Variants in ADGRL3 observed in about 807,000 individuals in gnomAD.
ADGRL3 encodes the protein adhesion G protein-coupled receptor L3.
A neutral mutation model predicts 153.5 loss-of-function variants in ADGRL3; 62 were observed. That is an observed-to-expected ratio of 0.40 (90% confidence interval 0.33 to 0.50). The LOEUF (loss-of-function observed/expected upper bound fraction) is 0.50. Among genes scored for constraint, ADGRL3 ranks in the 20% least tolerant of loss-of-function variants. ADGRL3 has a pLI of 0.47. For missense variants in ADGRL3, 1,641 were observed against 1,859.4 expected (o/e 0.88, Z 2.16); for synonymous variants, 710 against 672.5 (o/e 1.06, Z -0.86).
chr4:61,686,783 A>T (rs1208784472), intron 6 of ADGRL3, among the ~76,000 whole-genome samples: 1 of 152,012 alleles, frequency 6.6e-6, no homozygotes, highest in African/African-American at 2.4e-5. Context: ...TTGTTGACAC[A>T]TCTCTCCTCA....
intron 1 of ADGRL3, among the ~76,000 whole-genome samples, chr4:61,301,437 AG>A (rs1194815957): frequency 2.0e-5 from 3 of 152,226 alleles, no homozygotes; most frequent in Admixed American, 2.0e-4. Flanking sequence ...ATTAACTGCC[AG>A]GAAGTTTTGC....
intron 1 of ADGRL3, among the ~76,000 whole-genome samples, chr4:61,274,729 G>A (rs2093379328): frequency 6.6e-6 from 1 of 152,014 alleles, no homozygotes; most frequent in Non-Finnish European, 1.5e-5. Context: ...TTCAAGACCA[G>A]CTTGGGCAAC....
chr4:61,673,698 T>C (rs2095084295), intron 5 of ADGRL3, among the ~76,000 whole-genome samples: 1 of 151,388 alleles, frequency 6.6e-6, no homozygotes, highest in South Asian at 2.1e-4. Context: ...TTTCAAAATA[T>C]AGCTAGTTTT....
At chr4:61,805,077 T>C (rs2097540077) in intron 8 of ADGRL3, among the ~76,000 whole-genome samples, 1 of 151,780 alleles carries the variant, frequency 6.6e-6, no homozygotes, top group South Asian at 2.1e-4. Flanking sequence ...TGCCTCAGCC[T>C]CCCCAGTAGC....
At chr4:61,455,869 G>A (rs570188805) in intron 2 of ADGRL3, among the ~76,000 whole-genome samples, 1 of 152,150 alleles carries the variant, frequency 6.6e-6, no homozygotes, top group African/African-American at 2.4e-5. Flanking sequence ...AGGTTGGCAT[G>A]TAGTAGTTTG....
intron 1 of ADGRL3, among the ~76,000 whole-genome samples, chr4:61,339,122 C>T (rs2095749715): frequency 6.6e-6 from 1 of 152,138 alleles, no homozygotes; most frequent in Non-Finnish European, 1.5e-5. Context: ...GATCCAACTT[C>T]AGTCTTTTCT....
At chr4:61,939,360 T>C (rs956877244) in intron 15 of ADGRL3, among the ~76,000 whole-genome samples, 1 of 152,308 alleles carries the variant, frequency 6.6e-6, no homozygotes, top group Admixed American at 6.5e-5. Flanking sequence ...AAATCTCTTC[T>C]GTATGCAGAA....
At chr4:61,523,503 T>A (rs1050262278) in intron 4 of ADGRL3, among the ~76,000 whole-genome samples, 3 of 152,124 alleles carry the variant, frequency 2.0e-5, no homozygotes, top group Admixed American at 1.3e-4. Flanking sequence ...TAGAGTCTAA[T>A]TGATATGCAT....
At chr4:61,456,211 A>C (rs2097734331) in intron 2 of ADGRL3, among the ~76,000 whole-genome samples, 1 of 151,602 alleles carries the variant, frequency 6.6e-6, no homozygotes, top group Non-Finnish European at 1.5e-5. Flanking sequence ...GATCAATAAA[A>C]AAGAGGATAT....
chr4:61,735,307 C>A (rs1221385093), intron 8 of ADGRL3, among the ~76,000 whole-genome samples: 1 of 152,202 alleles, frequency 6.6e-6, no homozygotes, highest in Non-Finnish European at 1.5e-5. Flanking sequence ...AGAGTGACAG[C>A]ACTTGTTTCC....
At chr4:61,611,012 G>A (rs1376084036) in intron 5 of ADGRL3, among the ~76,000 whole-genome samples, 1 of 152,064 alleles carries the variant, frequency 6.6e-6, no homozygotes, top group Non-Finnish European at 1.5e-5. Flanking sequence ...GTTAATATAT[G>A]TAGGACCATT....
intron 8 of ADGRL3, among the ~76,000 whole-genome samples, chr4:61,776,579 A>T (rs886169044): frequency 2.0e-5 from 3 of 152,178 alleles, no homozygotes; most frequent in African/African-American, 7.2e-5. Context: ...ACTGAATTTT[A>T]AAAAATATAT....
rs1223961528 is a variant in ADGRL3 at position 61,711,481 on chromosome 4, T to C, written c.584-19141T>C. Reference sequence around the variant, plus strand: ...CATTATATATATATATATATATATATATATATATATACACACACACACACA... The same window carrying C: ...CATTATATATATATATATATATATACATATATATATACACACACACACACA... On this transcript the variant is annotated intron_variant, in intron 6 of 26. Coordinates refer to ENST00000683033, the MANE Select transcript of ADGRL3 (RefSeq NM_001387552.1). 2.5e-3 allele frequency among the ~76,000 whole-genome samples: 250 copies of C among 101,698 alleles called. 18 individuals are homozygous for C. Among genetic ancestry groups the C allele is most frequent in the African/African-American group, 9.0e-3 (246 of 27,324 alleles). The allele number at this position is 101,698 out of a possible 152,430, so 66.7% of individuals were successfully genotyped here.
chr4:61,842,299 C>A (rs907966777), intron 9 of ADGRL3, among the ~76,000 whole-genome samples: 1 of 152,092 alleles, frequency 6.6e-6, no homozygotes, highest in African/African-American at 2.4e-5. Context: ...TATTTTCTCT[C>A]ATTTTTGTTT....
intron 2 of ADGRL3, among the ~76,000 whole-genome samples, chr4:61,437,806 A>G (rs769443269): frequency 6.6e-6 from 1 of 151,862 alleles, no homozygotes; most frequent in Admixed American, 6.6e-5. Flanking sequence ...TACTTAACTC[A>G]TGTTGTTTTC....
In ADGRL3 at chr4:61,599,841, G is replaced by A. The variant is rs1425889489; in HGVS notation, c.473+12401G>A. On this transcript the variant is annotated intron_variant, in intron 5 of 26. Coordinates refer to ENST00000683033, the MANE Select transcript of ADGRL3 (RefSeq NM_001387552.1). ...CCACTTCTGAGGCCTTCATTTTGGG[G>A]TATTGTTTTCTGAGTCACAACAGCT... Among the ~76,000 whole-genome samples the A allele has an allele frequency of 2.0e-5, 3 of 152,074 alleles. No individual in the cohort carries two copies. In the South Asian group the frequency reaches 6.2e-4, roughly 31 times the overall value.
chr4:61,444,219 A>G (rs897153825), intron 2 of ADGRL3, among the ~76,000 whole-genome samples: 1 of 152,126 alleles, frequency 6.6e-6, no homozygotes, highest in East Asian at 1.9e-4. Context: ...ATTCCTTCTG[A>G]TAAGCAGTTT....
rs35637502 is a variant in ADGRL3 at position 61,946,996 on chromosome 4, G to C, written c.2502G>C (p.Thr834=). The change falls in exon 16 of 27, where the codon ACG becomes ACC. Residue 834 remains threonine, a synonymous_variant. Transcript: ENST00000683033. The part of the protein sequence containing the change: ...STENASMKLG[T]EALSTNHSVI... ...AGAATGCCAGTATGAAGTTGGGAACGGAAGCTTTGTCCACAAATCATTCTG... is the reference window on the plus strand; with the variant it reads ...AGAATGCCAGTATGAAGTTGGGAACCGAAGCTTTGTCCACAAATCATTCTG... 10 of 1,613,582 alleles carry C rather than the reference G, an allele frequency of 6.2e-6. No individual in the cohort carries two copies. The African/African-American group carries it at 9.4e-5, about 15-fold the overall frequency.
At chr4:61,412,689 C>T (rs1220457216) in intron 2 of ADGRL3, among the ~76,000 whole-genome samples, 1 of 152,142 alleles carries the variant, frequency 6.6e-6, no homozygotes, top group African/African-American at 2.4e-5. Context: ...TGATTCTTCT[C>T]TCCTTCCTTT....
Sources: allele counts gnomAD v4.1 joint callset (sites outside exome capture counted in the v4.1 genomes callset), GRCh38; gene constraint gnomAD v4.1.1; transcripts MANE v1.5; gene names NCBI Gene and HGNC (gene_info 2026-07-23, HGNC 2026-07-21).